SMAP2: variants seen among roughly 807,000 people sequenced by gnomAD.
SMAP2 encodes stromal membrane-associated protein 2.
Under a neutral mutation model 56.4 loss-of-function variants are expected in SMAP2, and 25 were observed. The observed-to-expected ratio is 0.44, with a 90% CI of 0.32 to 0.62. The LOEUF (loss-of-function observed/expected upper bound fraction) is 0.62, where lower values mean the gene tolerates loss of function less well. Among genes scored for constraint, SMAP2 ranks in the 20% least tolerant of loss-of-function variants. The pLI, the probability that SMAP2 is intolerant of heterozygous loss-of-function variation, is 0.04. For synonymous variants in SMAP2, 157 were observed against 181.7 expected (o/e 0.86, Z 1.09); for missense variants, 388 against 545.6 (o/e 0.71, Z 2.88).
intron 1 of SMAP2, among the ~76,000 whole-genome samples, chr1:40,396,519 T>C (rs768890809): frequency 7.9e-5 from 12 of 152,350 alleles, no homozygotes; most frequent in Admixed American, 1.3e-4. Context: ...GCTTAACTTA[T>C]GCTCTTTTTT....
intron 1 of SMAP2, among the ~76,000 whole-genome samples, chr1:40,399,335 T>G (rs1353260625): frequency 7.1e-6 from 1 of 140,324 alleles, no homozygotes; most frequent in Non-Finnish European, 1.6e-5. Flanking sequence ...TTTTTTTGTA[T>G]TTTTAGTAGA....
chr1:40,410,233 T>C (rs886137534), intron 4 of SMAP2, among the ~76,000 whole-genome samples: 5 of 152,198 alleles, frequency 3.3e-5, no homozygotes, highest in Non-Finnish European at 2.9e-5. Flanking sequence ...GCAACGGAGT[T>C]TGACCCTGTC....
chr1:40,411,818 A>T (rs1371472668), intron 4 of SMAP2, among the ~76,000 whole-genome samples: 2 of 152,250 alleles, frequency 1.3e-5, no homozygotes, highest in Non-Finnish European at 2.9e-5. Flanking sequence ...TGTATTGATT[A>T]TAAAATTATT....
At chr1:40,407,520 T>TA (rs1644897018) in intron 2 of SMAP2, among the ~76,000 whole-genome samples, 2 of 152,152 alleles carry the variant, frequency 1.3e-5, no homozygotes, top group South Asian at 4.2e-4. Context: ...ATTCACTTTT[T>TA]AAAAAAACCT....
intron 1 of SMAP2, among the ~76,000 whole-genome samples, chr1:40,383,234 G>A (rs1227465209): frequency 6.6e-6 from 1 of 152,242 alleles, no homozygotes; most frequent in Admixed American, 6.5e-5. Flanking sequence ...GTGGTCTGGT[G>A]TGAGCGGAAG....
intron 1 of SMAP2, among the ~76,000 whole-genome samples, chr1:40,388,855 ACCGCGAAGGTCTGC>A (rs1450707342): frequency 6.6e-6 from 1 of 152,146 alleles, no homozygotes; most frequent in African/African-American, 2.4e-5. Flanking sequence ...TGCAACACTC[ACCGCGAAGGTCTGC>A]AGCTTCACTC....
At chr1:40,376,003 T>C (rs1644537841) in intron 1 of SMAP2, among the ~76,000 whole-genome samples, 1 of 152,160 alleles carries the variant, frequency 6.6e-6, no homozygotes, top group Admixed American at 6.5e-5. Context: ...CAGGCTGGAG[T>C]GCAATGGTGC....
intron 1 of SMAP2, among the ~76,000 whole-genome samples, chr1:40,348,328 A>G (rs183673691): frequency 6.2e-4 from 94 of 152,268 alleles, no homozygotes; most frequent in African/African-American, 2.1e-3. Flanking sequence ...CCCTGCCAGC[A>G]TTATACAAGG....
chr1:40,354,522 A>G (rs1644425042), intron 1 of SMAP2, among the ~76,000 whole-genome samples: 1 of 151,794 alleles, frequency 6.6e-6, no homozygotes, highest in Non-Finnish European at 1.5e-5. Flanking sequence ...TATTTTTAGT[A>G]GAGATGGGGT....
At chr1:40,347,853 ATG>A (rs376374856) in intron 1 of SMAP2, among the ~76,000 whole-genome samples, 4 of 151,484 alleles carry the variant, frequency 2.6e-5, no homozygotes, top group Non-Finnish European at 3.0e-5. Flanking sequence ...CATACATTAA[ATG>A]TGTGTGTGTG....
intron 1 of SMAP2, among the ~76,000 whole-genome samples, chr1:40,388,287 A>G (rs1644680974): frequency 6.6e-6 from 1 of 152,216 alleles, no homozygotes; most frequent in Admixed American, 6.5e-5. Flanking sequence ...CCAGTGCGAG[A>G]TCCACTGGAT....
At position 40,413,080 on chromosome 1, in the gene SMAP2, T is replaced by G; in HGVS notation, c.467T>G (p.Val156Gly). The G allele has an allele frequency of 1.2e-6, 2 of 1,613,816 alleles. No homozygotes were observed. The highest frequency in any genetic ancestry group is 1.7e-6 in the Non-Finnish European group (2 of 1,179,814). ...GTTCCAGAAAAAAAATTGGAACCTGTTGTTTTTGAGAAGGTGAAAATGGTA... is the reference window on the plus strand; with the variant it reads ...GTTCCAGAAAAAAAATTGGAACCTGGTGTTTTTGAGAAGGTGAAAATGGTA... ...EPVPEKKLEP[V>G]VFEKVKMPQK... The change falls in exon 5 of 10, where the codon GTT becomes GGT. Residue 156 changes from valine to glycine, a missense_variant. Transcript: ENST00000372718.
intron 1 of SMAP2, among the ~76,000 whole-genome samples, chr1:40,352,721 C>T (rs1644414029): frequency 6.6e-6 from 1 of 151,898 alleles, no homozygotes; most frequent in Non-Finnish European, 1.5e-5. Flanking sequence ...AGAGACAATG[C>T]CTCGCTATGT....
At chr1:40,420,077 C>T (rs1645027458) in intron 9 of SMAP2, among the ~76,000 whole-genome samples, 1 of 152,008 alleles carries the variant, frequency 6.6e-6, no homozygotes, top group Non-Finnish European at 1.5e-5. Flanking sequence ...CTAGATTTTC[C>T]ATTTCGCCAA....
At chr1:40,351,688 AGATGGG>A (rs770346501) in intron 1 of SMAP2, among the ~76,000 whole-genome samples, 1 of 152,094 alleles carries the variant, frequency 6.6e-6, no homozygotes, top group Non-Finnish European at 1.5e-5. Context: ...TTTTTAGTAG[AGATGGG>A]GTTTTACCAT....
At position 40,386,826 on chromosome 1, in the gene SMAP2, A is replaced by G. The variant is rs796209487; in HGVS notation, c.103+12603A>G. ...ATCATTGGAAAGTATGAAAAATATA[A>G]TGATGCTGAAGGTATTTTTCATAAT... On this transcript the variant is annotated intron_variant, in intron 1 of 9. Transcript: ENST00000372718. This position sits in a 1 kb window ranked among gnomAD's most constrained non-coding sequence, Gnocchi z 4.1. Among the ~76,000 whole-genome samples the G allele has an allele frequency of 2.8e-4, 42 of 151,550 alleles. 1 individual carries two copies. Among genetic ancestry groups the G allele is most frequent in the African/African-American group, 1.0e-3 (42 of 41,272 alleles).
chr1:40,345,948 G>T (rs1432148021), intron 1 of SMAP2, among the ~76,000 whole-genome samples: 8 of 107,256 alleles, frequency 7.5e-5, no homozygotes, highest in Non-Finnish European at 1.5e-4. Flanking sequence ...GTAGTCTTCA[G>T]ACCTGGTATT....
rs1479174549 is a variant in SMAP2, at chr1:40,374,340, C to T, written c.103+117C>T. The T allele has an allele frequency of 7.1e-6, 6 of 847,044 alleles. No homozygotes were observed. In the African/African-American group the frequency reaches 8.4e-5, roughly 12 times the overall value. The allele number at this position is 847,044 out of a possible 1,614,324, so 52.5% of individuals were successfully genotyped here. A position where few individuals can be genotyped will look rare whatever the true frequency, so the allele number is the denominator to read the frequency against. ...GCCCAACTCGGCTTATAAGTGGTAA[C>T]GCGTGCTGCGCTTGCAGTGAGCCTA... On this transcript the variant is annotated intron_variant, in intron 1 of 9. Transcript: ENST00000372718. This position sits in a 1 kb window ranked among gnomAD's most constrained non-coding sequence, Gnocchi z 5.9.
Position 40,422,462 on chromosome 1 carries a change from G to C in SMAP2, c.*361G>C. ...ACTCTCAGAAGGGTCTGTGGGTGTT[G>C]TATATTAGGCAAACAGGGGAAAGCT... On this transcript the variant is annotated 3_prime_UTR_variant, in exon 10 of 10. Coordinates refer to ENST00000372718, the MANE Select transcript of SMAP2 (RefSeq NM_022733.3). 4.2e-6 allele frequency: 1 copy of C among 238,684 alleles called. No homozygotes were observed. Among genetic ancestry groups the C allele is most frequent in the Non-Finnish European group, 8.6e-6 (1 of 115,780 alleles). The allele number at this position is 238,684 out of a possible 1,614,324, so 14.8% of individuals were successfully genotyped here. A position where few individuals can be genotyped will look rare whatever the true frequency, so the allele number is the denominator to read the frequency against.
Sources: gnomAD v4.1 joint callset for allele counts (sites outside exome capture counted in the v4.1 genomes callset) on GRCh38, gnomAD v4.1.1 for gene constraint, Gnocchi (gnomAD v3.1) non-coding constraint, MANE v1.5 for transcripts, NCBI Gene and HGNC (gene_info 2026-07-23, HGNC 2026-07-21) for gene names.